The following PDE4D variants were observed in gnomAD, a reference collection of about 807,000 sequenced individuals.
PDE4D encodes 3',5'-cyclic-AMP phosphodiesterase 4D.
In PDE4D, 24 loss-of-function variants were observed where a neutral mutation model predicts 87.4. That is an observed-to-expected ratio of 0.27 (90% CI 0.20 to 0.39). The LOEUF (loss-of-function observed/expected upper bound fraction) is 0.39. Ranked by LOEUF, PDE4D falls within the 10% of genes least tolerant of loss-of-function variation. PDE4D has a pLI of 1.00. For missense variants in PDE4D, 714 were observed against 1,041.0 expected, an observed-to-expected ratio of 0.69 and a Z score of 4.32; for synonymous variants, 384 against 383.2, an observed-to-expected ratio of 1.00 and a Z score of -0.02.
At chr5:59,799,850 G>A (rs572078582) in intron 1 of PDE4D, among the ~76,000 whole-genome samples, 1 of 152,288 alleles carries the variant, frequency 6.6e-6, no homozygotes, top group South Asian at 2.1e-4. Flanking sequence ...TTTACTTCGA[G>A]ATACAAATCT....
chr5:60,359,199 G>A (rs1402080392), intron 1 of PDE4D, among the ~76,000 whole-genome samples: 3 of 152,136 alleles, frequency 2.0e-5, no homozygotes, highest in Admixed American at 6.5e-5. Context: ...TAGAGTTCAG[G>A]AGTTCGAGAC....
At chr5:59,683,297 A>T (rs1025695086) in intron 1 of PDE4D, among the ~76,000 whole-genome samples, 3 of 152,178 alleles carry the variant, frequency 2.0e-5, no homozygotes, top group Non-Finnish European at 4.4e-5. Context: ...GTAAAATGTT[A>T]ACATTTGGGG....
intron 6 of PDE4D, among the ~76,000 whole-genome samples, chr5:58,994,078 T>TG (rs746261664): frequency 3.4e-4 from 52 of 152,276 alleles, no homozygotes; most frequent in Non-Finnish European, 6.6e-4. Flanking sequence ...AGAAGTAAAA[T>TG]ATTTAAATAA....
chr5:60,024,291 C>CTTA, intron 2 of PDE4D, among the ~76,000 whole-genome samples: 1 of 152,088 alleles, frequency 6.6e-6, no homozygotes, highest in South Asian at 2.1e-4. Flanking sequence ...GGTTCAAGTA[C>CTTA]CACAAATGTA....
chr5:59,578,616 T>C (rs1234940895), intron 1 of PDE4D, among the ~76,000 whole-genome samples: 1 of 152,130 alleles, frequency 6.6e-6, no homozygotes, highest in Non-Finnish European at 1.5e-5. Context: ...CAATTCCCCC[T>C]AGTAGCTGTT....
chr5:59,234,034 T>C (rs566842176), intron 1 of PDE4D, among the ~76,000 whole-genome samples: 1 of 152,298 alleles, frequency 6.6e-6, no homozygotes, highest in South Asian at 2.1e-4. Context: ...AGCTGTTTTC[T>C]AAAGGCATTT....
intron 2 of PDE4D, among the ~76,000 whole-genome samples, chr5:60,073,925 T>A (rs1773008786): frequency 6.6e-6 from 1 of 152,110 alleles, no homozygotes; most frequent in Admixed American, 6.6e-5. Context: ...TCTTCTTCTT[T>A]ATTAGTCTAG....
intron 1 of PDE4D, among the ~76,000 whole-genome samples, chr5:60,411,600 G>A (rs911574789): frequency 6.6e-6 from 1 of 151,988 alleles, no homozygotes; most frequent in Non-Finnish European, 1.5e-5. Flanking sequence ...TAAAAGCAAC[G>A]AATTTCACAT....
chr5:59,276,292 G>T (rs1764818951), intron 1 of PDE4D, among the ~76,000 whole-genome samples: 1 of 152,014 alleles, frequency 6.6e-6, no homozygotes, highest in Non-Finnish European at 1.5e-5. Context: ...TCTGGGAAAT[G>T]AGATGTCTGT....
intron 1 of PDE4D, among the ~76,000 whole-genome samples, chr5:60,233,823 T>C (rs928309912): frequency 6.6e-6 from 1 of 151,782 alleles, no homozygotes; most frequent in African/African-American, 2.4e-5. Context: ...ACAGAGAAAT[T>C]AAGAAAGCTG....
At chr5:59,498,744 A>G (rs1486342140) in intron 1 of PDE4D, among the ~76,000 whole-genome samples, 1 of 152,126 alleles carries the variant, frequency 6.6e-6, no homozygotes, top group East Asian at 1.9e-4. Flanking sequence ...TCCTAAATAT[A>G]TATATGTTCA....
At chr5:60,333,602 T>A (rs1251163983) in intron 1 of PDE4D, among the ~76,000 whole-genome samples, 2 of 152,192 alleles carry the variant, frequency 1.3e-5, no homozygotes, top group Non-Finnish European at 2.9e-5. Context: ...GAACAAAGTA[T>A]TATTTAAAAA....
At chr5:59,976,454 C>T (rs1761343843) in intron 3 of PDE4D, among the ~76,000 whole-genome samples, 1 of 152,054 alleles carries the variant, frequency 6.6e-6, no homozygotes, top group South Asian at 2.1e-4. Flanking sequence ...GAATATGGCA[C>T]CTGCCCCCTC....
At chr5:59,884,500 A>C (rs1749888624) in intron 1 of PDE4D, among the ~76,000 whole-genome samples, 1 of 152,030 alleles carries the variant, frequency 6.6e-6, no homozygotes, top group South Asian at 2.1e-4. Context: ...ATTTCAATAC[A>C]TACAGATCTC....
chr5:59,275,193 G>C (rs1003769048), intron 1 of PDE4D: 8 of 616,844 alleles, frequency 1.3e-5, no homozygotes, highest in Non-Finnish European at 2.2e-5. Flanking sequence ...AAGCACATGA[G>C]TTTGGGAACA....
intron 1 of PDE4D, among the ~76,000 whole-genome samples, chr5:60,232,283 T>C (rs920404744): frequency 6.6e-6 from 1 of 151,958 alleles, no homozygotes; most frequent in African/African-American, 2.4e-5. Flanking sequence ...GTGGTTATCA[T>C]TATGGTTCTG....
intron 1 of PDE4D, among the ~76,000 whole-genome samples, chr5:60,281,922 A>T (rs1751946332): frequency 6.6e-6 from 1 of 151,988 alleles, no homozygotes; most frequent in South Asian, 2.1e-4. Context: ...CTGTAGTCCC[A>T]GCTACCCAGG....
intron 1 of PDE4D, among the ~76,000 whole-genome samples, chr5:60,321,076 A>G (rs957939165): frequency 3.3e-5 from 5 of 152,228 alleles, no homozygotes; most frequent in African/African-American, 1.2e-4. Flanking sequence ...GGAACCAAAA[A>G]AGAGCCTGAA....
chr5:59,737,708 T>C (rs946525757), intron 1 of PDE4D, among the ~76,000 whole-genome samples: 1 of 152,080 alleles, frequency 6.6e-6, no homozygotes. Context: ...ATCTGAATGT[T>C]TAATATTATT....
Sources: allele counts gnomAD v4.1 joint callset (sites outside exome capture counted in the v4.1 genomes callset), GRCh38; gene constraint gnomAD v4.1.1; transcripts MANE v1.5; gene names NCBI Gene and HGNC (gene_info 2026-07-23, HGNC 2026-07-21).